CNTN6: variants seen among roughly 807,000 people sequenced by gnomAD.
The protein encoded by CNTN6 is contactin 6.
CNTN6 carries 137 observed loss-of-function variants against 122.8 expected under a neutral mutation model. That is an observed-to-expected ratio of 1.12 (90% CI 0.97 to 1.29). The LOEUF (loss-of-function observed/expected upper bound fraction) is 1.29. CNTN6 is among the 50% of genes most tolerant of loss of function. The pLI, the probability that CNTN6 is intolerant of heterozygous loss-of-function variation, is 0.00. For synonymous variants in CNTN6, 570 were observed against 426.0 expected (o/e 1.34, Z -4.16); for missense variants, 1,634 against 1,223.4 (o/e 1.34, Z -5.01).
chr3:1,353,471 T>G (rs1336859208), intron 12 of CNTN6, among the ~76,000 whole-genome samples: 1 of 151,666 alleles, frequency 6.6e-6, no homozygotes, highest in Admixed American at 6.6e-5. Context: ...TGGGGAAATG[T>G]GACTGATAAA....
rs9874282 is a variant in CNTN6, at chr3:1,264,265, G to C, written c.359-14148G>C. Reference sequence around the variant, plus strand: ...TGTACACATTTTGTGGAAAGGCGCTGATACAAACAAACGGTGGCAGCCAAG... The same window carrying C: ...TGTACACATTTTGTGGAAAGGCGCTCATACAAACAAACGGTGGCAGCCAAG... On this transcript the variant is annotated intron_variant, in intron 4 of 22. Transcript: ENST00000446702. Among the ~76,000 whole-genome samples the C allele has an allele frequency of 1.6e-3, 248 of 152,238 alleles. 3 individuals are homozygous for C. Among genetic ancestry groups the C allele is most frequent in the African/African-American group, 5.8e-3 (239 of 41,542 alleles).
At chr3:1,384,812 C>CATATATAT (rs60437325) in intron 19 of CNTN6, among the ~76,000 whole-genome samples, 1 of 118,500 alleles carries the variant, frequency 8.4e-6, no homozygotes. Context: ...CACACACACA[C>CATATATAT]ATATATATAT....
intron 2 of CNTN6, among the ~76,000 whole-genome samples, chr3:1,190,029 C>T (rs1392821705): frequency 1.3e-5 from 2 of 152,288 alleles, no homozygotes; most frequent in East Asian, 3.9e-4. Flanking sequence ...ATTTACTTCT[C>T]ACAGTCCTGG....
At chr3:1,325,074 A>G (rs896613049) in intron 8 of CNTN6, among the ~76,000 whole-genome samples, 13 of 151,838 alleles carry the variant, frequency 8.6e-5, no homozygotes, top group Admixed American at 3.3e-4. Flanking sequence ...ATTCATGTGA[A>G]AACATTTAAT....
intron 1 of CNTN6, among the ~76,000 whole-genome samples, chr3:1,115,789 A>C (rs149110864): frequency 1.4e-3 from 212 of 152,172 alleles, no homozygotes; most frequent in African/African-American, 4.9e-3. Context: ...AAGAACACCA[A>C]CAGAGAATAA....
intron 12 of CNTN6, among the ~76,000 whole-genome samples, chr3:1,368,901 G>A (rs927153690): frequency 3.3e-5 from 5 of 151,950 alleles, no homozygotes; most frequent in Non-Finnish European, 5.9e-5. Context: ...GACACCCCAC[G>A]CTTTCATTTT....
intron 2 of CNTN6, chr3:1,173,086 T>A (rs1419101324): frequency 2.6e-6 from 1 of 386,190 alleles, no homozygotes; most frequent in African/African-American, 2.1e-5. Flanking sequence ...TTAACTCACT[T>A]GTCTTGCTAT....
intron 4 of CNTN6, among the ~76,000 whole-genome samples, chr3:1,238,311 A>T (rs1418170352): frequency 6.6e-6 from 1 of 152,176 alleles, no homozygotes; most frequent in Non-Finnish European, 1.5e-5. Flanking sequence ...GACAAAACAT[A>T]CTTCAAAGCA....
At chr3:1,344,056 A>T (rs368622897) in intron 11 of CNTN6, among the ~76,000 whole-genome samples, 1 of 152,184 alleles carries the variant, frequency 6.6e-6, no homozygotes, top group South Asian at 2.1e-4. Flanking sequence ...GAAGACCTGT[A>T]TCGGGGCTGC....
chr3:1,127,315 C>T (rs1389667140), intron 1 of CNTN6, among the ~76,000 whole-genome samples: 1 of 151,516 alleles, frequency 6.6e-6, no homozygotes, highest in Non-Finnish European at 1.5e-5. Flanking sequence ...TAGTATATAC[C>T]AATGACAGTA....
At position 1,113,965 on chromosome 3, in the gene CNTN6, CTTTA is replaced by C. The variant is rs370614421; in HGVS notation, c.-83+20852_-83+20855del. Among the ~76,000 whole-genome samples, 77 of 152,268 alleles carry C rather than the reference CTTTA, an allele frequency of 5.1e-4. 2 individuals carry two copies. In the East Asian group the frequency reaches 9.7e-3, roughly 19 times the overall value. Reference sequence around the variant, plus strand: ...CCTGTCTCCTACATGGTCACCATTCCTTTATTTATTCATTCAGTAGAGATTTTCG... The same window carrying C: ...CCTGTCTCCTACATGGTCACCATTCCTTTATTCATTCAGTAGAGATTTTCG... On this transcript the variant is annotated intron_variant, in intron 1 of 22. Coordinates refer to ENST00000446702, the MANE Select transcript of CNTN6 (RefSeq NM_001289080.2).
At chr3:1,381,968 AAGT>A (rs1691961298) in intron 17 of CNTN6, among the ~76,000 whole-genome samples, 1 of 82 alleles carries the variant, frequency 0.012, no homozygotes, top group South Asian at 0.25. Context: ...TCCAAGTGGC[AAGT>A]AGATAGTGTG....
intron 12 of CNTN6, among the ~76,000 whole-genome samples, chr3:1,367,113 A>G (rs545931795): frequency 6.6e-6 from 1 of 152,306 alleles, no homozygotes; most frequent in Admixed American, 6.5e-5. Context: ...TGTAATGATT[A>G]AATCAAGCTA....
chr3:1,336,437 A>C (rs1156259594), intron 11 of CNTN6, among the ~76,000 whole-genome samples: 2 of 152,166 alleles, frequency 1.3e-5, no homozygotes, highest in Non-Finnish European at 2.9e-5. Flanking sequence ...ACAGAGAATC[A>C]AACTGACTCA....
intron 8 of CNTN6, among the ~76,000 whole-genome samples, chr3:1,322,524 T>G (rs950050061): frequency 1.3e-5 from 2 of 151,892 alleles, no homozygotes; most frequent in Non-Finnish European, 2.9e-5. Flanking sequence ...TTTGATAAAC[T>G]TAATGTATCT....
chr3:1,144,544 C>T (rs1404233243), intron 1 of CNTN6, among the ~76,000 whole-genome samples: 2 of 151,534 alleles, frequency 1.3e-5, no homozygotes, highest in Non-Finnish European at 1.5e-5. Flanking sequence ...CATTGTACTC[C>T]AGCCTGGACA....
At chr3:1,278,316 A>G (rs556593773) in intron 4 of CNTN6, 97 bp from the exon 5 acceptor site, 3 of 819,796 alleles carry the variant, frequency 3.7e-6, no homozygotes, top group Non-Finnish European at 1.9e-6. Context: ...TATGAGATTA[A>G]TTCCCCTTAA....
intron 2 of CNTN6, among the ~76,000 whole-genome samples, chr3:1,152,076 T>C (rs1490835513): frequency 6.6e-6 from 1 of 152,222 alleles, no homozygotes; most frequent in East Asian, 1.9e-4. Flanking sequence ...TTTGTCTTTG[T>C]AGACAATGCA....
In CNTN6 at chr3:1,160,988, A is replaced by G. The variant is rs187206683; in HGVS notation, c.55+12925A>G. 1.3e-3 allele frequency among the ~76,000 whole-genome samples: 194 copies of G among 152,022 alleles called. 7 individuals are homozygous for G. In the East Asian group the frequency reaches 0.034, roughly 26 times the overall value. ...ATTTTAGAATATTTTCCTATTACTT[A>G]TGGTCTTGAGGTTGTTCATATCTAT... On this transcript the variant is annotated intron_variant, in intron 2 of 22. Coordinates refer to ENST00000446702, the MANE Select transcript of CNTN6 (RefSeq NM_001289080.2).
Sources: gnomAD v4.1 joint callset for allele counts (sites outside exome capture counted in the v4.1 genomes callset) on GRCh38, gnomAD v4.1.1 for gene constraint, MANE v1.5 for transcripts, NCBI Gene and HGNC (gene_info 2026-07-23, HGNC 2026-07-21) for gene names.